The following TENM3 variants were observed in gnomAD, a reference collection of about 807,000 sequenced individuals.
TENM3 encodes teneurin-3.
A neutral mutation model predicts 255.1 loss-of-function variants in TENM3; 63 were observed. The ratio of observed to expected loss-of-function variants is 0.25; its 90% CI spans 0.20 to 0.30. The LOEUF (loss-of-function observed/expected upper bound fraction) is 0.30, where lower values mean the gene tolerates loss of function less well. TENM3 is among the 10% of genes least tolerant of loss of function. The pLI is 1.00. For missense variants in TENM3, 2,929 were observed against 3,461.1 expected (o/e 0.85, Z 3.86); for synonymous variants, 1,306 against 1,322.3 (o/e 0.99, Z 0.27).
the TENM3 span, among the ~76,000 whole-genome samples, chr4:181,884,305 TA>T: frequency 9.9e-6 from 1 of 100,836 alleles, no homozygotes; most frequent in East Asian, 2.9e-4. Context: ...TTTATTATAA[TA>T]AATATATAAT....
chr4:182,238,529 G>A (rs1757031467), upstream of TENM3, among the ~76,000 whole-genome samples: 5 of 152,058 alleles, frequency 3.3e-5, no homozygotes, highest in Admixed American at 6.6e-5. Flanking sequence ...CCTTTTGATC[G>A]GAATCCTTCA....
At chr4:181,477,669 C>T in the TENM3 span, among the ~76,000 whole-genome samples, 1 of 152,042 alleles carries the variant, frequency 6.6e-6, no homozygotes, top group African/African-American at 2.4e-5. Flanking sequence ...ATATTTTAAT[C>T]AGGGCTTGAA....
the TENM3 span, among the ~76,000 whole-genome samples, chr4:181,982,309 GAA>G: frequency 6.6e-6 from 1 of 152,112 alleles, no homozygotes. Flanking sequence ...AGGGGTCAGT[GAA>G]AACCTTTCCA....
intron 3 of TENM3, among the ~76,000 whole-genome samples, chr4:182,405,628 G>A (rs564713533): frequency 6.6e-6 from 1 of 152,322 alleles, no homozygotes; most frequent in South Asian, 2.1e-4. Flanking sequence ...AGGTACTGGG[G>A]ATATCACAGT....
intron 3 of TENM3, among the ~76,000 whole-genome samples, chr4:182,491,171 A>G (rs1735261799): frequency 6.6e-6 from 1 of 152,206 alleles, no homozygotes; most frequent in Non-Finnish European, 1.5e-5. Context: ...TTTAATTAAT[A>G]AAGTAAACGT....
chr4:181,558,808 C>A, the TENM3 span, among the ~76,000 whole-genome samples: 1 of 152,132 alleles, frequency 6.6e-6, no homozygotes, highest in African/African-American at 2.4e-5. Context: ...ATGGTTAATA[C>A]CTGCATGCAA....
At chr4:182,702,007 A>G (rs1757912991) in intron 12 of TENM3, among the ~76,000 whole-genome samples, 1 of 152,244 alleles carries the variant, frequency 6.6e-6, no homozygotes, top group African/African-American at 2.4e-5. Context: ...GTTACTGTAA[A>G]TACATGACTT....
At chr4:181,819,917 T>A in the TENM3 span, 1 of 152,110 alleles carries the variant, frequency 6.6e-6, no homozygotes, top group Non-Finnish European at 1.5e-5. Context: ...CTCAAAATTT[T>A]TATCAACAAA....
At chr4:181,498,053 T>C in the TENM3 span, among the ~76,000 whole-genome samples, 1 of 152,180 alleles carries the variant, frequency 6.6e-6, no homozygotes, top group Non-Finnish European at 1.5e-5. Flanking sequence ...AAATGGCATA[T>C]TTCTCAAGTT....
At chr4:181,926,191 G>C in the TENM3 span, among the ~76,000 whole-genome samples, 1 of 152,152 alleles carries the variant, frequency 6.6e-6, no homozygotes, top group Non-Finnish European at 1.5e-5. Context: ...TTGCGGTTAG[G>C]CATTGATCCA....
At chr4:182,456,970 G>A (rs1047130086) in intron 3 of TENM3, among the ~76,000 whole-genome samples, 37 of 152,184 alleles carry the variant, frequency 2.4e-4, no homozygotes, top group African/African-American at 7.9e-4. Flanking sequence ...ATCACCTCAG[G>A]TCAGGAGTTC....
At chr4:181,486,196 C>A in the TENM3 span, among the ~76,000 whole-genome samples, 2 of 152,140 alleles carry the variant, frequency 1.3e-5, no homozygotes, top group Non-Finnish European at 2.9e-5. Context: ...CAATACACAC[C>A]AGGTACAGAA....
chr4:181,645,163 C>T, the TENM3 span, among the ~76,000 whole-genome samples: 3 of 152,240 alleles, frequency 2.0e-5, no homozygotes, highest in African/African-American at 4.8e-5. Context: ...AAAATGAAAT[C>T]GATTCCTTGA....
intron 3 of TENM3, among the ~76,000 whole-genome samples, chr4:182,597,345 G>A (rs909871422): frequency 7.9e-5 from 12 of 152,110 alleles, no homozygotes; most frequent in Admixed American, 1.3e-4. Context: ...GGAGGTAGAC[G>A]CTGCAGTGAG....
chr4:181,512,567 T>C, the TENM3 span, among the ~76,000 whole-genome samples: 4 of 152,304 alleles, frequency 2.6e-5, no homozygotes. Context: ...TCACTTCTTT[T>C]TGGAAAGGCT....
the TENM3 span, among the ~76,000 whole-genome samples, chr4:181,793,085 T>C: frequency 6.6e-6 from 1 of 152,202 alleles, no homozygotes; most frequent in South Asian, 2.1e-4. Context: ...CTTCTTCCAA[T>C]GAATTGACAA....
At chr4:181,783,686 T>G in the TENM3 span, among the ~76,000 whole-genome samples, 32 of 152,236 alleles carry the variant, frequency 2.1e-4, 2 homozygotes, top group East Asian at 2.9e-3. Context: ...GTTTTGTTGT[T>G]GTTTGGTTTG....
chr4:181,845,738 A>T, the TENM3 span, among the ~76,000 whole-genome samples: 2 of 152,220 alleles, frequency 1.3e-5, no homozygotes, highest in Non-Finnish European at 2.9e-5. Context: ...GACTTGTAAG[A>T]GCAAGAAATT....
chr4:182,230,066 G>A (rs547963161), intron 1 of TENM3, among the ~76,000 whole-genome samples: 55 of 149,886 alleles, frequency 3.7e-4, no homozygotes, highest in Non-Finnish European at 6.0e-4. Context: ...GAGACTCACT[G>A]AACGTTAATT....
Sources: gnomAD v4.1 joint callset for allele counts (sites outside exome capture counted in the v4.1 genomes callset) on GRCh38, gnomAD v4.1.1 for gene constraint, MANE v1.5 for transcripts, NCBI Gene and HGNC (gene_info 2026-07-23, HGNC 2026-07-21) for gene names.